The following SPAG9 variants were observed in gnomAD, a reference collection of about 807,000 sequenced individuals.
The protein encoded by SPAG9 is sperm associated antigen 9.
SPAG9 carries 35 observed loss-of-function variants against 166.5 expected under a neutral mutation model. That is an observed-to-expected ratio of 0.21 (90% CI 0.16 to 0.28). The LOEUF (loss-of-function observed/expected upper bound fraction) is 0.28, where lower values mean the gene tolerates loss of function less well. Ranked by LOEUF, SPAG9 falls within the 10% of genes least tolerant of loss-of-function variation. The probability of loss-of-function intolerance (pLI) is 1.00; values close to 1 mark genes in which losing one functional copy is unlikely to be tolerated. For missense variants in SPAG9, 1,235 were observed against 1,603.3 expected (o/e 0.77, Z 3.92); for synonymous variants, 534 against 565.5 (o/e 0.94, Z 0.79).
At chr17:50,975,994 G>T in intron 27 of SPAG9, 1 of 927,488 alleles carries the variant, frequency 1.1e-6, no homozygotes, top group Non-Finnish European at 1.7e-6. Context: ...TCTTCTATCT[G>T]GTAAACCTGG....
chr17:51,116,452 C>G (rs536407340), intron 1 of SPAG9, among the ~76,000 whole-genome samples: 1 of 152,262 alleles, frequency 6.6e-6, no homozygotes, highest in South Asian at 2.1e-4. Context: ...CATTTTGTAT[C>G]CAGATTTTTA....
At chr17:51,033,258 G>C (rs2046453812) in intron 5 of SPAG9, among the ~76,000 whole-genome samples, 1 of 148,856 alleles carries the variant, frequency 6.7e-6, no homozygotes, top group Admixed American at 6.7e-5. Flanking sequence ...TAAAAACTTG[G>C]GTAGCTCTCT....
chr17:51,115,744 T>G (rs575641879), intron 1 of SPAG9, among the ~76,000 whole-genome samples: 123 of 151,910 alleles, frequency 8.1e-4, no homozygotes, highest in African/African-American at 2.9e-3. Context: ...GCAGGAGAAC[T>G]GTTTGAACCC....
intron 3 of SPAG9, among the ~76,000 whole-genome samples, chr17:51,054,602 A>C (rs1240763386): frequency 6.6e-6 from 1 of 150,812 alleles, no homozygotes; most frequent in Non-Finnish European, 1.5e-5. Context: ...ATGCCTGGCT[A>C]ATTTTTCGTA....
chr17:51,106,102 TACACACACACAC>T (rs71149344), intron 1 of SPAG9, among the ~76,000 whole-genome samples: 191 of 110,650 alleles, frequency 1.7e-3, no homozygotes, highest in African/African-American at 4.4e-3. Context: ...CCCCCATCTC[TACACACACACAC>T]ACACACACAC....
chr17:51,018,217 C>T (rs2045782117), intron 8 of SPAG9, among the ~76,000 whole-genome samples: 1 of 146,280 alleles, frequency 6.8e-6, no homozygotes, highest in South Asian at 2.2e-4. Flanking sequence ...CCAGTGTGTG[C>T]CTGCAGTCCC....
chr17:51,000,103 C>T (rs1056898704), intron 13 of SPAG9, among the ~76,000 whole-genome samples: 2 of 152,134 alleles, frequency 1.3e-5, no homozygotes, highest in African/African-American at 2.4e-5. Context: ...CATCTATACT[C>T]GGAGCTCTCA....
chr17:51,016,999 T>C (rs1487142783), intron 8 of SPAG9, among the ~76,000 whole-genome samples: 1 of 152,402 alleles, frequency 6.6e-6, no homozygotes, highest in African/African-American at 2.4e-5. Flanking sequence ...CATACTGATA[T>C]AAATAATGAA....
chr17:51,010,600 T>TATATATAC (rs1555638956), intron 9 of SPAG9, among the ~76,000 whole-genome samples: 2 of 145,962 alleles, frequency 1.4e-5, no homozygotes, highest in Non-Finnish European at 3.0e-5. Context: ...TATATATATA[T>TATATATAC]ACATATATGT....
At chr17:51,037,693 T>TATATATATATA (rs1568028403) in intron 5 of SPAG9, among the ~76,000 whole-genome samples, 7 of 89,888 alleles carry the variant, frequency 7.8e-5, no homozygotes, top group Admixed American at 7.4e-4. Context: ...ATAGTGTGTG[T>TATATATATATA]GTGTGTGTGT....
chr17:50,990,733 A>T, intron 19 of SPAG9, 65 bp from the exon 20 acceptor site: 5 of 1,329,616 alleles, frequency 3.8e-6, no homozygotes, highest in Non-Finnish European at 5.4e-6. Context: ...TTTTACTAAA[A>T]CAATTACAGG....
At chr17:51,085,688 T>C (rs908304496) in intron 1 of SPAG9, among the ~76,000 whole-genome samples, 2 of 152,204 alleles carry the variant, frequency 1.3e-5, no homozygotes, top group African/African-American at 2.4e-5. Context: ...ACTTAGAGAT[T>C]ACAAAATGGA....
chr17:51,001,316 TAGA>T (rs2044940664), intron 13 of SPAG9, among the ~76,000 whole-genome samples: 1 of 152,130 alleles, frequency 6.6e-6, no homozygotes, highest in African/African-American at 2.4e-5. Context: ...CATGAACAGT[TAGA>T]AAAGAGAGAA....
chr17:51,103,451 G>A (rs1345329483), intron 1 of SPAG9, among the ~76,000 whole-genome samples: 2 of 152,164 alleles, frequency 1.3e-5, no homozygotes, highest in Admixed American at 6.6e-5. Context: ...GAAAAGAAGA[G>A]AAAGTGAGTG....
intron 1 of SPAG9, among the ~76,000 whole-genome samples, chr17:51,108,084 G>GAA (rs775993771): frequency 2.6e-4 from 32 of 121,248 alleles, no homozygotes; most frequent in South Asian, 1.3e-3. Context: ...CATGATTTAA[G>GAA]AAAAAAAAAA....
chr17:51,031,944 T>C (rs9890085), intron 5 of SPAG9: 12,961 of 657,596 alleles, frequency 0.02, 756 homozygotes, highest in African/African-American at 0.16. Flanking sequence ...CTTGGATCAG[T>C]GTCTTATACT....
At chr17:50,969,772 A>T (rs1973636938) in intron 29 of SPAG9, among the ~76,000 whole-genome samples, 1 of 151,914 alleles carries the variant, frequency 6.6e-6, no homozygotes, top group South Asian at 2.1e-4. Context: ...CCATTCCCCA[A>T]CCTGACCCTT....
chr17:51,026,674 C>CTTTTTTTTT (rs35339612), intron 6 of SPAG9, among the ~76,000 whole-genome samples: 1 of 124,224 alleles, frequency 8.0e-6, no homozygotes. Flanking sequence ...TTTTTCTTTT[C>CTTTTTTTTT]TTTTTTTTTT....
intron 6 of SPAG9, among the ~76,000 whole-genome samples, chr17:51,021,907 G>A (rs1009623238): frequency 2.0e-5 from 3 of 151,856 alleles, no homozygotes; most frequent in African/African-American, 7.3e-5. Context: ...GGCGGATCAC[G>A]AGGTCAGGAG....
Sources: allele counts gnomAD v4.1 joint callset (sites outside exome capture counted in the v4.1 genomes callset), GRCh38; gene constraint gnomAD v4.1.1; transcripts MANE v1.5; gene names NCBI Gene and HGNC (gene_info 2026-07-23, HGNC 2026-07-21).